The following TYW1B variants were observed in gnomAD, a reference collection of about 807,000 sequenced individuals.
The protein encoded by TYW1B is tRNA-yW synthesizing protein 1 homolog B, also known as S-adenosyl-L-methionine-dependent tRNA 4-demethylwyosine synthase TYW1B.
A neutral mutation model predicts 86.9 loss-of-function variants in TYW1B; 73 were observed. The observed-to-expected ratio is 0.84, with a 90% CI of 0.70 to 1.02. The LOEUF (loss-of-function observed/expected upper bound fraction) is 1.02, where lower values mean the gene tolerates loss of function less well. Among genes scored for constraint, TYW1B ranks in the 50% least tolerant of loss-of-function variants. The pLI, the probability that TYW1B is intolerant of heterozygous loss-of-function variation, is 0.00. For missense variants in TYW1B, 637 were observed against 827.4 expected, an observed-to-expected ratio of 0.77 and a Z score of 2.82; for synonymous variants, 248 against 292.8, an observed-to-expected ratio of 0.85 and a Z score of 1.56.
chr7:72,687,029 A>G (rs186929151), intron 11 of TYW1B, among the ~76,000 whole-genome samples: 1 of 152,338 alleles, frequency 6.6e-6, no homozygotes, highest in Admixed American at 6.5e-5. Context: ...GGGTGGGCAA[A>G]GATTTCACAA....
rs191778846 is a variant in TYW1B at position 72,764,788 on chromosome 7, T to C, written c.964+12628A>G. ...AATTTAATGACTTCAAATTAAGTAATTGATGATGATGATGTGTTTGTGACT... is the reference window on the plus strand; with the variant it reads ...AATTTAATGACTTCAAATTAAGTAACTGATGATGATGATGTGTTTGTGACT... On this transcript the variant is annotated intron_variant, in intron 7 of 13. Transcript: ENST00000620995. Among the ~76,000 whole-genome samples the C allele has an allele frequency of 6.9e-4, 105 of 152,282 alleles. 1 individual carries two copies. Among genetic ancestry groups the C allele is most frequent in the Admixed American group, 5.4e-3 (82 of 15,280 alleles).
chr7:72,788,080 C>T (rs1788159267), intron 6 of TYW1B, among the ~76,000 whole-genome samples: 1 of 151,934 alleles, frequency 6.6e-6, no homozygotes, highest in African/African-American at 2.4e-5. Flanking sequence ...TGGGTTCACG[C>T]CATTCTTCTG....
At chr7:72,714,618 T>C in intron 9 of TYW1B, among the ~76,000 whole-genome samples, 1 of 150,882 alleles carries the variant, frequency 6.6e-6, no homozygotes, top group Non-Finnish European at 1.5e-5. Flanking sequence ...GCAAGGCCTG[T>C]CTCAAAAAAC....
intron 6 of TYW1B, among the ~76,000 whole-genome samples, chr7:72,779,681 C>T (rs1308862528): frequency 1.5e-5 from 2 of 130,772 alleles, no homozygotes; most frequent in Non-Finnish European, 3.1e-5. Context: ...TGTGCCACTG[C>T]ACTCCAGCCT....
At chr7:72,692,347 C>T (rs1563060753) in intron 11 of TYW1B, among the ~76,000 whole-genome samples, 1 of 147,994 alleles carries the variant, frequency 6.8e-6, no homozygotes, top group Non-Finnish European at 1.5e-5. Flanking sequence ...ACTGTCTCTA[C>T]AAAAAAAAAA....
chr7:72,760,533 G>A (rs1188781209), intron 7 of TYW1B, among the ~76,000 whole-genome samples: 1 of 152,166 alleles, frequency 6.6e-6, no homozygotes, highest in Non-Finnish European at 1.5e-5. Context: ...TTATACGTAT[G>A]CACATGTATT....
chr7:72,776,197 T>C (rs1189538380), intron 7 of TYW1B, among the ~76,000 whole-genome samples: 1 of 151,670 alleles, frequency 6.6e-6, no homozygotes, highest in Non-Finnish European at 1.5e-5. Context: ...TACATACAGG[T>C]TAAGAAAGAA....
rs144462382 is a variant in TYW1B at position 72,743,134 on chromosome 7, A to C, written c.1082+1350T>G. On this transcript the variant is annotated intron_variant, in intron 8 of 13. Transcript: ENST00000620995. ...AACAGGAAATTGGAAATGGAGAAGGAAAATTCAGAAAAGAGACTGAGACTG... is the reference window on the plus strand; with the variant it reads ...AACAGGAAATTGGAAATGGAGAAGGCAAATTCAGAAAAGAGACTGAGACTG... Among the ~76,000 whole-genome samples the C allele has an allele frequency of 3.3e-3, 497 of 152,326 alleles. 1 individual carries two copies. The highest frequency in any genetic ancestry group is 5.2e-3 in the Non-Finnish European group (352 of 68,028).
At chr7:72,616,253 T>C (rs1159587357) in intron 13 of TYW1B, among the ~76,000 whole-genome samples, 3 of 152,158 alleles carry the variant, frequency 2.0e-5, no homozygotes, top group African/African-American at 7.2e-5. Flanking sequence ...AACAAAATTC[T>C]CCAGATGCCA....
intron 13 of TYW1B, among the ~76,000 whole-genome samples, chr7:72,594,573 A>G (rs1256775549): frequency 2.0e-5 from 3 of 152,190 alleles, no homozygotes; most frequent in Non-Finnish European, 4.4e-5. Flanking sequence ...ATTCTACAAA[A>G]CATTTAAAAG....
intron 7 of TYW1B, among the ~76,000 whole-genome samples, chr7:72,746,970 G>A (rs1195834421): frequency 1.3e-4 from 20 of 152,186 alleles, no homozygotes; most frequent in Non-Finnish European, 5.9e-5. Context: ...TATAAGGTGT[G>A]AGGTTTAAGA....
At chr7:72,694,176 T>C (rs1814250050) in intron 11 of TYW1B, among the ~76,000 whole-genome samples, 1 of 152,170 alleles carries the variant, frequency 6.6e-6, no homozygotes, top group Non-Finnish European at 1.5e-5. Flanking sequence ...TTGGCCAGGC[T>C]GGTCTTGAAC....
intron 10 of TYW1B, among the ~76,000 whole-genome samples, chr7:72,700,827 G>C (rs2129570424): frequency 6.6e-6 from 1 of 152,242 alleles, no homozygotes; most frequent in South Asian, 2.1e-4. Flanking sequence ...ACCACTTTGG[G>C]AGGGCGAGGG....
At chr7:72,713,292 CTCCAACTCAAAAAAAAAAAAAAAA>C (rs1786712862) in intron 10 of TYW1B, among the ~76,000 whole-genome samples, 2 of 93,326 alleles carry the variant, frequency 2.1e-5, no homozygotes, top group Non-Finnish European at 3.9e-5. Flanking sequence ...CAGAGTGAGA[CTCCAACTCAAAAAAAAAAAAAAAA>C]AAAAAAAAAT....
At chr7:72,687,513 GAACCACT>G (rs1814035172) in intron 11 of TYW1B, among the ~76,000 whole-genome samples, 1 of 152,076 alleles carries the variant, frequency 6.6e-6, no homozygotes, top group Non-Finnish European at 1.5e-5. Context: ...CTTGTATTCA[GAACCACT>G]ATTACTTGCA....
At chr7:72,705,453 G>A (rs1336662940) in intron 10 of TYW1B, among the ~76,000 whole-genome samples, 4 of 152,184 alleles carry the variant, frequency 2.6e-5, no homozygotes, top group African/African-American at 7.2e-5. Context: ...GGAGCAGGAG[G>A]TGAGTCTGAG....
chr7:72,593,293 C>A lies in TYW1B; in HGVS notation c.1786-17574G>T, dbSNP rs1456605718. Among the ~76,000 whole-genome samples, 474 of 144,004 alleles carry A rather than the reference C, an allele frequency of 3.3e-3. 3 individuals carry two copies. Among genetic ancestry groups the A allele is most frequent in the Non-Finnish European group, 5.7e-3 (377 of 66,688 alleles). 94.5% of individuals were successfully genotyped at this position (144,004 alleles called of 152,430 possible). A position where few individuals can be genotyped will look rare whatever the true frequency, so the allele number is the denominator to read the frequency against. On this transcript the variant is annotated intron_variant, in intron 13 of 13. Coordinates refer to ENST00000620995, the MANE Select transcript of TYW1B (RefSeq NM_001145440.3). ...GGGCAACAAGAGCAAAACTCCATCT[C>A]AAAAAAAGAAAAAGAAAGAAAGAAA...
At chr7:72,678,760 T>G (rs1436071374) in intron 11 of TYW1B, among the ~76,000 whole-genome samples, 1 of 151,860 alleles carries the variant, frequency 6.6e-6, no homozygotes, top group Admixed American at 6.6e-5. Context: ...CAGGATGGTC[T>G]CGATCTCTTG....
At chr7:72,751,523 C>T (rs1331347533) in intron 7 of TYW1B, among the ~76,000 whole-genome samples, 2 of 152,144 alleles carry the variant, frequency 1.3e-5, no homozygotes, top group Admixed American at 6.5e-5. Flanking sequence ...CTTGTCTTTG[C>T]TGAGATTTCT....
Sources: allele counts gnomAD v4.1 joint callset (sites outside exome capture counted in the v4.1 genomes callset), GRCh38; gene constraint gnomAD v4.1.1; transcripts MANE v1.5; gene names NCBI Gene and HGNC (gene_info 2026-07-23, HGNC 2026-07-21).